NFIA: variants seen among roughly 807,000 people sequenced by gnomAD.
NFIA encodes nuclear factor 1 A-type.
In NFIA, 8 loss-of-function variants were observed where a neutral mutation model predicts 62.8. The ratio of observed to expected loss-of-function variants is 0.13; its 90% CI spans 0.07 to 0.23. NFIA has a LOEUF of 0.23. Among genes scored for constraint, NFIA ranks in the 10% least tolerant of loss-of-function variants. The probability of loss-of-function intolerance (pLI) is 1.00; values close to 1 mark genes in which losing one functional copy is unlikely to be tolerated. For synonymous variants in NFIA, 235 were observed against 238.1 expected, an observed-to-expected ratio of 0.99 and a Z score of 0.12; for missense variants, 410 against 642.1, an observed-to-expected ratio of 0.64 and a Z score of 3.91.
intron 2 of NFIA, among the ~76,000 whole-genome samples, chr1:61,209,667 TACAACAACAACA>T (rs71756240): frequency 1.8e-4 from 27 of 147,870 alleles, no homozygotes; most frequent in Non-Finnish European, 2.4e-4. Context: ...CTATGAAAAA[TACAACAACAACA>T]ACAACAACAA....
At chr1:61,110,695 A>G (rs941000820) in intron 2 of NFIA, among the ~76,000 whole-genome samples, 1 of 152,090 alleles carries the variant, frequency 6.6e-6, no homozygotes, top group African/African-American at 2.4e-5. Context: ...GAGGATTTAT[A>G]TGTCAGACTG....
At chr1:61,336,345 G>A (rs966900112) in intron 4 of NFIA, among the ~76,000 whole-genome samples, 1 of 152,058 alleles carries the variant, frequency 6.6e-6, no homozygotes, top group African/African-American at 2.4e-5. Flanking sequence ...GTGTGAGTTT[G>A]TTTTTAATTA....
chr1:61,459,871 C>T lies in NFIA; in HGVS notation c.*4551C>T, dbSNP rs1412350531. On this transcript the variant is annotated 3_prime_UTR_variant, in exon 11 of 11. Coordinates refer to ENST00000403491, the MANE Select transcript of NFIA (RefSeq NM_001134673.4). ...TAAGAATGTCATTTAATGTACTTTG[C>T]ATCATGTCTCTAGAAATATCTTTGT... 2 of 152,092 alleles carry T rather than the reference C, an allele frequency of 1.3e-5. No individual in the cohort carries two copies. Among genetic ancestry groups the T allele is most frequent in the African/African-American group, 2.4e-5 (1 of 41,428 alleles). 9.4% of individuals were successfully genotyped at this position (152,092 alleles called of 1,614,324 possible). A position where few individuals can be genotyped will look rare whatever the true frequency, so the allele number is the denominator to read the frequency against.
intron 2 of NFIA, among the ~76,000 whole-genome samples, chr1:61,103,234 G>T (rs1646542406): frequency 6.6e-6 from 1 of 152,154 alleles, no homozygotes; most frequent in Non-Finnish European, 1.5e-5. Flanking sequence ...TGTGTACACA[G>T]GTTCTATTGT....
chr1:61,227,959 T>C (rs1654433356), intron 2 of NFIA, among the ~76,000 whole-genome samples: 1 of 152,192 alleles, frequency 6.6e-6, no homozygotes, highest in Non-Finnish European at 1.5e-5. Flanking sequence ...TTTCTATCAC[T>C]ATTGTGGTCT....
At chr1:61,269,132 C>T (rs72929875) in intron 2 of NFIA, among the ~76,000 whole-genome samples, 6 of 150,982 alleles carry the variant, frequency 4.0e-5, no homozygotes, top group East Asian at 1.9e-4. Context: ...TTGATTCCTT[C>T]GGTAAGATTT....
intron 6 of NFIA, among the ~76,000 whole-genome samples, chr1:61,372,305 C>A (rs1043648395): frequency 5.9e-5 from 9 of 152,052 alleles, no homozygotes; most frequent in Non-Finnish European, 1.3e-4. Flanking sequence ...CAAGCATTTA[C>A]CCTTAGTGTC....
chr1:61,091,868 C>T (rs1340926181), intron 2 of NFIA, among the ~76,000 whole-genome samples: 1 of 150,550 alleles, frequency 6.6e-6, no homozygotes, highest in South Asian at 2.1e-4. Flanking sequence ...TTTTTAACCA[C>T]TTCTGTATAA....
chr1:61,400,797 T>G (rs550929715), intron 7 of NFIA, among the ~76,000 whole-genome samples: 2 of 152,300 alleles, frequency 1.3e-5, no homozygotes, highest in East Asian at 3.9e-4. Flanking sequence ...TTGATGAATT[T>G]TACTCTTTAA....
At chr1:61,431,298 T>C (rs549025211) in intron 10 of NFIA, among the ~76,000 whole-genome samples, 5 of 152,242 alleles carry the variant, frequency 3.3e-5, no homozygotes, top group Admixed American at 2.0e-4. Context: ...ACAAGGGGAC[T>C]GAGCAAAGAA....
At chr1:61,394,837 G>A (rs74089311) in intron 7 of NFIA, among the ~76,000 whole-genome samples, 1,614 of 152,254 alleles carry the variant, frequency 0.011, 37 homozygotes, top group African/African-American at 0.036. Context: ...GGCTGGGAGC[G>A]GTGGCTCACA....
At chr1:61,414,099 C>A (rs1666245271) in intron 9 of NFIA, among the ~76,000 whole-genome samples, 1 of 152,160 alleles carries the variant, frequency 6.6e-6, no homozygotes, top group Non-Finnish European at 1.5e-5. Context: ...TCTCATGCCT[C>A]AGCCTCCTGA....
intron 2 of NFIA, among the ~76,000 whole-genome samples, chr1:61,137,255 T>C (rs1647213033): frequency 6.6e-6 from 1 of 152,214 alleles, no homozygotes; most frequent in African/African-American, 2.4e-5. Flanking sequence ...ACATCCTGTA[T>C]ACCTTACCAT....
In NFIA at chr1:61,388,295, T is replaced by C. The variant is rs537915558; in HGVS notation, c.1075+4930T>C. Among the ~76,000 whole-genome samples, 35 of 152,364 alleles carry C rather than the reference T, an allele frequency of 2.3e-4. No homozygotes were observed. In the South Asian group the frequency reaches 6.8e-3, roughly 30 times the overall value. On this transcript the variant is annotated intron_variant, in intron 7 of 10. Transcript: ENST00000403491. ...TGAAAGATTGAGCTTTCAAAGACTT[T>C]CTTTTACCACTACTTAAAATTGTAA...
intron 7 of NFIA, among the ~76,000 whole-genome samples, chr1:61,384,523 G>A (rs1332890931): frequency 6.6e-6 from 1 of 152,076 alleles, no homozygotes. Context: ...TAATCAGAGA[G>A]GCTTACTATC....
chr1:61,367,794 T>TAC (rs1557736403), intron 6 of NFIA, among the ~76,000 whole-genome samples: 2 of 152,154 alleles, frequency 1.3e-5, no homozygotes, highest in Non-Finnish European at 2.9e-5. Flanking sequence ...ATTCTTCTCA[T>TAC]ACACACACAC....
At chr1:61,170,102 C>G (rs1330185500) in intron 2 of NFIA, among the ~76,000 whole-genome samples, 2 of 152,108 alleles carry the variant, frequency 1.3e-5, no homozygotes, top group Non-Finnish European at 2.9e-5. Context: ...CCTGTAGGCA[C>G]TGTGTTGGCC....
intron 2 of NFIA, among the ~76,000 whole-genome samples, chr1:61,138,843 A>G (rs1199130565): frequency 1.3e-5 from 2 of 150,690 alleles, no homozygotes; most frequent in South Asian, 2.2e-4. Flanking sequence ...CGGCCTCCCA[A>G]AGTGCTACTA....
At chr1:61,078,509 G>A (rs74086437), upstream of NFIA, among the ~76,000 whole-genome samples, 1,055 of 152,240 alleles carry the variant, frequency 6.9e-3, 9 homozygotes, top group African/African-American at 0.024. Context: ...AATATATTGC[G>A]TATTCAGCAT....
Sources: gnomAD v4.1 joint callset for allele counts (sites outside exome capture counted in the v4.1 genomes callset) on GRCh38, gnomAD v4.1.1 for gene constraint, MANE v1.5 for transcripts, NCBI Gene and HGNC (gene_info 2026-07-23, HGNC 2026-07-21) for gene names.